Variants in TSGA10 observed in about 807,000 individuals in gnomAD.
The protein encoded by TSGA10 is testis specific 10, also known as testis-specific gene 10 protein.
A neutral mutation model predicts 96.6 loss-of-function variants in TSGA10; 43 were observed. That is an observed-to-expected ratio of 0.44 (90% confidence interval 0.35 to 0.57). The LOEUF is 0.57. TSGA10 is among the 20% of genes least tolerant of loss of function. The pLI, the probability that TSGA10 is intolerant of heterozygous loss-of-function variation, is 0.01. For synonymous variants in TSGA10, 229 were observed against 269.9 expected (o/e 0.85, Z 1.48); for missense variants, 703 against 834.4 (o/e 0.84, Z 1.94).
At chr2:99,096,410 C>T (rs1003907047) in intron 10 of TSGA10, among the ~76,000 whole-genome samples, 1 of 152,164 alleles carries the variant, frequency 6.6e-6, no homozygotes, top group African/African-American at 2.4e-5. Context: ...ATGGCTTTTG[C>T]CAATGTCACG....
chr2:99,102,595 T>C (rs1057379205), intron 10 of TSGA10: 1 of 1,614,060 alleles, frequency 6.2e-7, no homozygotes, highest in African/African-American at 1.3e-5. Context: ...GAACTTGCTG[T>C]ACATGCTCAG....
chr2:99,068,959 TAAGTTC>T lies in TSGA10; in HGVS notation c.1141_1146del (p.Glu381_Leu382del). On this transcript the variant is annotated inframe_deletion, in exon 15 of 21. Transcript: ENST00000393483. ...TCTTGAACCTTCTGTTTTATGTCAT[TAAGTTC>T]ATTATGAGTGTCATTCAATTTTTTG... The T allele has an allele frequency of 6.8e-7, 1 of 1,474,810 alleles. No individual in the cohort carries two copies. The highest frequency in any genetic ancestry group is 9.0e-7 in the Non-Finnish European group (1 of 1,117,196). 91.4% of individuals were successfully genotyped at this position (1,474,810 alleles called of 1,614,324 possible).
intron 10 of TSGA10, chr2:99,102,564 G>T (rs544929266): frequency 3.7e-5 from 60 of 1,614,000 alleles, no homozygotes; most frequent in Middle Eastern, 1.6e-4. Flanking sequence ...GCACAGAAAG[G>T]CTGTGTCAGA....
intron 16 of TSGA10, among the ~76,000 whole-genome samples, chr2:99,041,715 A>AATCTAAG (rs1397855506): frequency 2.0e-5 from 3 of 152,196 alleles, no homozygotes; most frequent in African/African-American, 7.2e-5. Flanking sequence ...TAAGACCTAA[A>AATCTAAG]ACCATAAAAA....
intron 1 of TSGA10, among the ~76,000 whole-genome samples, chr2:99,136,983 G>C (rs1024902539): frequency 2.7e-4 from 40 of 149,658 alleles, no homozygotes; most frequent in African/African-American, 7.6e-4. Flanking sequence ...CTACTTTAAC[G>C]TGTCTAAAAC....
At chr2:99,044,332 T>A (rs1323750471) in intron 16 of TSGA10, among the ~76,000 whole-genome samples, 1 of 140,440 alleles carries the variant, frequency 7.1e-6, no homozygotes, top group Non-Finnish European at 1.5e-5. Context: ...GGAGGAATAT[T>A]TACCAAGCAA....
intron 1 of TSGA10, among the ~76,000 whole-genome samples, chr2:99,143,470 T>C (rs2093599198): frequency 1.3e-5 from 2 of 150,842 alleles, no homozygotes; most frequent in African/African-American, 2.4e-5. Context: ...TTTTTTTTTT[T>C]TCCTTTTTTT....
intron 16 of TSGA10, among the ~76,000 whole-genome samples, chr2:99,059,080 T>TTATA (rs1229831309): frequency 1.3e-4 from 7 of 54,374 alleles, no homozygotes; most frequent in East Asian, 7.7e-4. Context: ...TTATATATTT[T>TTATA]TATATATATA....
chr2:99,074,013 T>C (rs1364205944), intron 12 of TSGA10, among the ~76,000 whole-genome samples: 2 of 125,786 alleles, frequency 1.6e-5, no homozygotes, highest in South Asian at 2.7e-4. Flanking sequence ...TTTTTTTTTT[T>C]TTTTTTTTTT....
intron 1 of TSGA10, among the ~76,000 whole-genome samples, chr2:99,149,751 T>TC (rs1384490334): frequency 2.7e-5 from 4 of 148,270 alleles, no homozygotes; most frequent in Non-Finnish European, 4.5e-5. Flanking sequence ...CGATCATCTC[T>TC]TTTTACAGAC....
At chr2:99,124,137 T>G (rs1310805431) in intron 2 of TSGA10, among the ~76,000 whole-genome samples, 1 of 152,254 alleles carries the variant, frequency 6.6e-6, no homozygotes, top group Non-Finnish European at 1.5e-5. Context: ...CACCAACACT[T>G]GTTATTTTCC....
rs978831731 is a variant in TSGA10, at chr2:99,078,926, CA to C, written c.728-114del. The C allele has an allele frequency of 4.4e-6, 4 of 899,410 alleles. No individual in the cohort carries two copies. The African/African-American group carries it at 5.1e-5, about 11-fold the overall frequency. The allele number at this position is 899,410 out of a possible 1,614,324, so 55.7% of individuals were successfully genotyped here. A position where few individuals can be genotyped will look rare whatever the true frequency, so the allele number is the denominator to read the frequency against. ...CCTTACTTCTAATATATATTATATT[CA>C]ATTACTAACAATGAGTACTATATCC... is the stretch of plus-strand genomic sequence containing the variant. On this transcript the variant is annotated intron_variant, in intron 11 of 20. Transcript: ENST00000393483.
chr2:99,078,817 T>C lies in TSGA10; in HGVS notation c.728-4A>G, dbSNP rs372307950. 1.2e-6 allele frequency: 2 copies of C among 1,604,084 alleles called. No individual in the cohort carries two copies. The highest frequency in any genetic ancestry group is 1.7e-6 in the Non-Finnish European group (2 of 1,177,030). Reference sequence around the variant, plus strand: ...ATATTTTGCCTTGTAAAGTTATCTATGTATGCAATCATAAAAGTGTTGTTT... The same window carrying C: ...ATATTTTGCCTTGTAAAGTTATCTACGTATGCAATCATAAAAGTGTTGTTT... On this transcript the variant is annotated splice_polypyrimidine_tract_variant and splice_region_variant and intron_variant, in intron 11 of 20. Coordinates refer to ENST00000393483, the MANE Select transcript of TSGA10 (RefSeq NM_025244.4).
At chr2:99,044,351 CAAAAA>C (rs57316203) in intron 16 of TSGA10, among the ~76,000 whole-genome samples, 1 of 98,562 alleles carries the variant, frequency 1.0e-5, no homozygotes. Flanking sequence ...AAATGGAAAG[CAAAAA>C]AAAAAAAAAA....
At chr2:99,107,159 C>T (rs1397040281) in intron 7 of TSGA10, among the ~76,000 whole-genome samples, 1 of 152,098 alleles carries the variant, frequency 6.6e-6, no homozygotes, top group Non-Finnish European at 1.5e-5. Context: ...GTCATGCAAC[C>T]CTCCTTCTTC....
chr2:99,134,927 C>A (rs1323108021), intron 1 of TSGA10, among the ~76,000 whole-genome samples: 1 of 152,212 alleles, frequency 6.6e-6, no homozygotes, highest in East Asian at 1.9e-4. Context: ...GCAGAAGCTG[C>A]AGAACAGCAA....
chr2:99,045,662 G>C (rs2082693538), intron 16 of TSGA10, among the ~76,000 whole-genome samples: 1 of 152,182 alleles, frequency 6.6e-6, no homozygotes, highest in Non-Finnish European at 1.5e-5. Context: ...ATGCTAGGAA[G>C]AAACTGCATC....
At chr2:99,142,990 A>C (rs1171754386) in intron 1 of TSGA10, among the ~76,000 whole-genome samples, 1 of 152,120 alleles carries the variant, frequency 6.6e-6, no homozygotes, top group Non-Finnish European at 1.5e-5. Context: ...GATCATTTTA[A>C]GGCCAAAAGA....
intron 20 of TSGA10, among the ~76,000 whole-genome samples, chr2:98,999,380 A>C (rs1558670801): frequency 6.6e-6 from 1 of 152,194 alleles, no homozygotes. Flanking sequence ...TTTACATGAC[A>C]ACCTGGGAAA....
Sources: gnomAD v4.1 joint callset for allele counts (sites outside exome capture counted in the v4.1 genomes callset) on GRCh38, gnomAD v4.1.1 for gene constraint, MANE v1.5 for transcripts, NCBI Gene and HGNC (gene_info 2026-07-23, HGNC 2026-07-21) for gene names.